The following PPP2R5E variants were observed in gnomAD, a reference collection of about 807,000 sequenced individuals.
PPP2R5E encodes the protein protein phosphatase 2 regulatory subunit B'epsilon, also known as serine/threonine-protein phosphatase 2A 56 kDa regulatory subunit epsilon isoform.
A neutral mutation model predicts 65.3 loss-of-function variants in PPP2R5E; 4 were observed. That is an observed-to-expected ratio of 0.06 (90% CI 0.03 to 0.14). The LOEUF is 0.14. Ranked by LOEUF, PPP2R5E falls within the 10% of genes least tolerant of loss-of-function variation. The pLI, the probability that PPP2R5E is intolerant of heterozygous loss-of-function variation, is 1.00. For synonymous variants in PPP2R5E, 183 were observed against 187.4 expected, an observed-to-expected ratio of 0.98 and a Z score of 0.19; for missense variants, 274 against 556.1, an observed-to-expected ratio of 0.49 and a Z score of 5.10.
intron 2 of PPP2R5E, among the ~76,000 whole-genome samples, chr14:63,527,242 AATTAC>A: frequency 6.6e-6 from 1 of 152,366 alleles, no homozygotes; most frequent in East Asian, 1.9e-4. Context: ...CCTTGAAAAT[AATTAC>A]ATTAGCCACT....
At chr14:63,379,826 C>CTCTCTCTCTCT (rs528081976) in intron 13 of PPP2R5E, among the ~76,000 whole-genome samples, 1 of 100,300 alleles carries the variant, frequency 1.0e-5, no homozygotes, top group South Asian at 3.0e-4. Flanking sequence ...TATTCTCTCT[C>CTCTCTCTCTCT]TTTTTTTTTT....
chr14:63,375,344 T>A lies in PPP2R5E; in HGVS notation c.*665A>T, dbSNP rs1883931951. 6.6e-6 allele frequency: 1 copy of A among 152,604 alleles called. No individual in the cohort carries two copies. Among genetic ancestry groups the A allele is most frequent in the African/African-American group, 2.4e-5 (1 of 41,454 alleles). 9.5% of individuals were successfully genotyped at this position (152,604 alleles called of 1,614,324 possible). A position where few individuals can be genotyped will look rare whatever the true frequency, so the allele number is the denominator to read the frequency against. On this transcript the variant is annotated 3_prime_UTR_variant, in exon 14 of 14. Transcript: ENST00000337537. ...GATATTCCCTTCCCTACTATGTTTATCACCTCTTCTCTCTTAACTCCTAAT... is the reference window on the plus strand; with the variant it reads ...GATATTCCCTTCCCTACTATGTTTAACACCTCTTCTCTCTTAACTCCTAAT...
intron 5 of PPP2R5E, among the ~76,000 whole-genome samples, chr14:63,405,220 T>C (rs1449909712): frequency 6.6e-6 from 1 of 152,180 alleles, no homozygotes. Context: ...AAATAAATGC[T>C]CCCAACACTT....
At chr14:63,457,193 T>G (rs186882375) in intron 2 of PPP2R5E, among the ~76,000 whole-genome samples, 101 of 152,290 alleles carry the variant, frequency 6.6e-4, no homozygotes, top group African/African-American at 2.3e-3. Context: ...AAAGGTAGAA[T>G]GTGAGAAGGC....
intron 2 of PPP2R5E, among the ~76,000 whole-genome samples, chr14:63,460,111 T>C (rs558591455): frequency 6.6e-6 from 1 of 152,344 alleles, no homozygotes; most frequent in South Asian, 2.1e-4. Flanking sequence ...GGGTATTGAC[T>C]GAAATTTCCA....
chr14:63,372,814 G>C lies in PPP2R5E; in HGVS notation c.*3195C>G, dbSNP rs1472512438. On this transcript the variant is annotated 3_prime_UTR_variant, in exon 14 of 14. Transcript: ENST00000337537. ...TGCACCCTGGACTATCCCACGCATA[G>C]GAGGTACAAAATAAATTAAACCCTT... 7 of 152,146 alleles carry C rather than the reference G, an allele frequency of 4.6e-5. No individual in the cohort carries two copies. Among genetic ancestry groups the C allele is most frequent in the African/African-American group, 1.7e-4 (7 of 41,432 alleles). The allele number at this position is 152,146 out of a possible 1,614,324, so 9.4% of individuals were successfully genotyped here. A position where few individuals can be genotyped will look rare whatever the true frequency, so the allele number is the denominator to read the frequency against.
At chr14:63,539,344 C>T (rs1210028199) in intron 2 of PPP2R5E, among the ~76,000 whole-genome samples, 185 bp downstream of exon 2, 1 of 152,174 alleles carries the variant, frequency 6.6e-6, no homozygotes, top group African/African-American at 2.4e-5. Flanking sequence ...TGCCCAAAGA[C>T]AGACTAAATT....
chr14:63,377,497 A>T (rs2139729223), intron 13 of PPP2R5E, among the ~76,000 whole-genome samples: 1 of 152,326 alleles, frequency 6.6e-6, no homozygotes, highest in South Asian at 2.1e-4. Context: ...TTATATTCTT[A>T]TTCCACTAGA....
At chr14:63,393,984 A>AGTTC in intron 7 of PPP2R5E, 56 bp from the exon 8 acceptor site, 1 of 1,047,286 alleles carries the variant, frequency 9.5e-7, no homozygotes, top group Non-Finnish European at 1.5e-6. Context: ...GAACTGAGAC[A>AGTTC]AACTGTTCTT....
At chr14:63,459,120 A>G (rs1051745105) in intron 2 of PPP2R5E, among the ~76,000 whole-genome samples, 8 of 152,314 alleles carry the variant, frequency 5.3e-5, no homozygotes, top group African/African-American at 1.9e-4. Context: ...TATTTACAGA[A>G]AACTAAGTGT....
At chr14:63,447,136 A>G (rs1204547737) in intron 3 of PPP2R5E, among the ~76,000 whole-genome samples, 1 of 152,172 alleles carries the variant, frequency 6.6e-6, no homozygotes, top group African/African-American at 2.4e-5. Flanking sequence ...GCTTCAACTT[A>G]AGTCACCAGT....
intron 2 of PPP2R5E, among the ~76,000 whole-genome samples, chr14:63,516,287 T>C (rs1006846216): frequency 7.2e-5 from 11 of 152,178 alleles, no homozygotes; most frequent in African/African-American, 2.4e-4. Flanking sequence ...ATGAGTGTTT[T>C]GGACACTGTA....
At chr14:63,404,891 C>T (rs778077568) in intron 5 of PPP2R5E, among the ~76,000 whole-genome samples, 32 of 152,154 alleles carry the variant, frequency 2.1e-4, no homozygotes, top group Non-Finnish European at 3.5e-4. Flanking sequence ...AATAATGATG[C>T]ACTTAGTGGG....
chr14:63,451,313 A>C (rs1215419580), intron 3 of PPP2R5E: 1 of 152,236 alleles, frequency 6.6e-6, no homozygotes, highest in Non-Finnish European at 1.5e-5. Context: ...GGAAGCAACT[A>C]AAATGTCCTT....
intron 13 of PPP2R5E, among the ~76,000 whole-genome samples, chr14:63,379,824 C>CCCTTT (rs1884212260): frequency 8.6e-6 from 1 of 115,982 alleles, no homozygotes; most frequent in African/African-American, 5.9e-5. Flanking sequence ...AATATTCTCT[C>CCCTTT]TCTTTTTTTT....
chr14:63,406,153 T>C (rs1886071833), intron 5 of PPP2R5E, among the ~76,000 whole-genome samples: 1 of 152,144 alleles, frequency 6.6e-6, no homozygotes, highest in South Asian at 2.1e-4. Flanking sequence ...GACTCACGCC[T>C]GTAATCCCAG....
intron 5 of PPP2R5E, among the ~76,000 whole-genome samples, chr14:63,398,940 C>T (rs1285901854): frequency 1.3e-5 from 2 of 152,204 alleles, no homozygotes; most frequent in African/African-American, 4.8e-5. Flanking sequence ...AATGGTGCAG[C>T]TATTTCAGAA....
intron 2 of PPP2R5E, among the ~76,000 whole-genome samples, chr14:63,466,228 G>C (rs1190156624): frequency 7.5e-6 from 1 of 133,428 alleles, no homozygotes. Flanking sequence ...ATTTATAGTT[G>C]ATCAAAGACA....
At chr14:63,446,020 T>C (rs1419523525) in intron 3 of PPP2R5E, among the ~76,000 whole-genome samples, 2 of 152,246 alleles carry the variant, frequency 1.3e-5, no homozygotes, top group Non-Finnish European at 2.9e-5. Flanking sequence ...GTTTACATAA[T>C]GTTCTAAATC....
Sources: allele counts gnomAD v4.1 joint callset (sites outside exome capture counted in the v4.1 genomes callset), GRCh38; gene constraint gnomAD v4.1.1; transcripts MANE v1.5; gene names NCBI Gene and HGNC (gene_info 2026-07-23, HGNC 2026-07-21).